Variants in CYB5B observed in about 807,000 individuals in gnomAD.
The protein encoded by CYB5B is cytochrome b5 type B (outer mitochondrial membrane).
Under a neutral mutation model 21.3 loss-of-function variants are expected in CYB5B, and 14 were observed. The observed-to-expected ratio is 0.66, with a 90% CI of 0.43 to 1.03. The LOEUF (loss-of-function observed/expected upper bound fraction) is 1.03, where lower values mean the gene tolerates loss of function less well. Ranked by LOEUF, CYB5B falls within the 50% of genes least tolerant of loss-of-function variation. CYB5B has a pLI of 0.00. For missense variants in CYB5B, 166 were observed against 185.1 expected (o/e 0.90, Z 0.60); for synonymous variants, 69 against 68.4 (o/e 1.01, Z -0.04).
intron 3 of CYB5B, among the ~76,000 whole-genome samples, chr16:69,455,736 T>C (rs1330450879): frequency 6.6e-6 from 1 of 152,060 alleles, no homozygotes. Flanking sequence ...CTTAATCTTA[T>C]CAAATTGGGT....
chr16:69,466,223 G>A lies in CYB5B; in HGVS notation c.*3703G>A, dbSNP rs534363690. ...CTGCTGGAATGCGCACACAGTGAAC[G>A]TTTGTTAGAACTACACACAATAAAG... On this transcript the variant is annotated 3_prime_UTR_variant, in exon 5 of 5. Coordinates refer to ENST00000307892, the MANE Select transcript of CYB5B (RefSeq NM_030579.3). The A allele has an allele frequency of 2.6e-5, 4 of 152,638 alleles. No homozygotes were observed. Among genetic ancestry groups the A allele is most frequent in the South Asian group, 4.1e-4 (2 of 4,824 alleles). The allele number at this position is 152,638 out of a possible 1,614,324, so 9.5% of individuals were successfully genotyped here.
intron 4 of CYB5B, among the ~76,000 whole-genome samples, chr16:69,460,823 A>G (rs1250469475): frequency 6.6e-6 from 1 of 152,224 alleles, no homozygotes; most frequent in Non-Finnish European, 1.5e-5. Flanking sequence ...ATAAAAATAA[A>G]GGAATCACAA....
chr16:69,448,354 C>T (rs11644951), intron 3 of CYB5B: 18,983 of 577,766 alleles, frequency 0.033, 390 homozygotes, highest in Non-Finnish European at 0.043. Flanking sequence ...TTGCTAATGC[C>T]TTTATACGCT....
intron 4 of CYB5B, among the ~76,000 whole-genome samples, chr16:69,461,690 T>C (rs1268827826): frequency 6.6e-6 from 1 of 152,236 alleles, no homozygotes; most frequent in African/African-American, 2.4e-5. Context: ...AAGGAAGGTC[T>C]CTTGCAGTAC....
intron 2 of CYB5B, 97 bp from the exon 3 acceptor site, chr16:69,448,018 A>C: frequency 7.8e-7 from 1 of 1,278,870 alleles, no homozygotes; most frequent in Non-Finnish European, 1.1e-6. Context: ...CACTATCACC[A>C]GAATATAGTC....
At chr16:69,432,198 T>C (rs1217442017) in intron 1 of CYB5B, among the ~76,000 whole-genome samples, 1 of 152,138 alleles carries the variant, frequency 6.6e-6, no homozygotes, top group Non-Finnish European at 1.5e-5. Flanking sequence ...ACCACTGACA[T>C]GTTTGAAGAT....
chr16:69,447,930 A>G (rs181320231), intron 2 of CYB5B, among the ~76,000 whole-genome samples, 185 bp from the exon 3 acceptor site: 1 of 152,286 alleles, frequency 6.6e-6, no homozygotes, highest in African/African-American at 2.4e-5. Context: ...CTATCCATAT[A>G]TACCATTCTA....
chr16:69,435,491 G>A (rs1370358960), intron 1 of CYB5B, among the ~76,000 whole-genome samples: 1 of 152,102 alleles, frequency 6.6e-6, no homozygotes, highest in African/African-American at 2.4e-5. Flanking sequence ...GCCTGAGAAT[G>A]CAGGCTCTAT....
rs2015008271 is a variant in CYB5B at position 69,459,080 on chromosome 16, T to TA, written c.334-13_334-12insA. On this transcript the variant is annotated splice_polypyrimidine_tract_variant and intron_variant, in intron 3 of 4. Transcript: ENST00000307892. Reference sequence around the variant, plus strand: ...GTTTGTTATTTTTGAATTTTTTTTTTTTTTTATTTCAGGACCCTTCAAAAA... The same window carrying TA: ...GTTTGTTATTTTTGAATTTTTTTTTTATTTTTATTTCAGGACCCTTCAAAAA... 1 of 1,586,588 alleles carries TA rather than the reference T, an allele frequency of 6.3e-7. No homozygotes were observed. Among genetic ancestry groups the TA allele is most frequent in the South Asian group, 1.2e-5 (1 of 84,986 alleles).
intron 1 of CYB5B, among the ~76,000 whole-genome samples, chr16:69,426,912 T>G (rs1300073036): frequency 2.0e-5 from 3 of 152,150 alleles, no homozygotes; most frequent in Admixed American, 6.5e-5. Flanking sequence ...CATAGTAAGT[T>G]TCATGCTAAA....
intron 2 of CYB5B, among the ~76,000 whole-genome samples, chr16:69,447,541 G>C (rs2014889964): frequency 6.6e-6 from 1 of 151,756 alleles, no homozygotes; most frequent in South Asian, 2.1e-4. Context: ...TCCTCAGGAG[G>C]CTGAGGCACG....
Position 69,425,960 on chromosome 16 carries a change from CTT to C in CYB5B, c.174+1106_174+1107del, listed in dbSNP as rs374404982. 2.8e-4 allele frequency among the ~76,000 whole-genome samples: 43 copies of C among 152,246 alleles called. No individual in the cohort carries two copies. The East Asian group carries it at 8.1e-3, about 29-fold the overall frequency. On this transcript the variant is annotated intron_variant, in intron 1 of 4. Coordinates refer to ENST00000307892, the MANE Select transcript of CYB5B (RefSeq NM_030579.3). Reference sequence around the variant, plus strand: ...TAAAAGAGAAATCTCTGCATCCTGACTTTTAATTCTAAAAACTTTTAAAATTT... The same window carrying C: ...TAAAAGAGAAATCTCTGCATCCTGACTTAATTCTAAAAACTTTTAAAATTT...
At chr16:69,457,759 C>T (rs375658098) in intron 3 of CYB5B, among the ~76,000 whole-genome samples, 1 of 152,046 alleles carries the variant, frequency 6.6e-6, no homozygotes, top group East Asian at 1.9e-4. Flanking sequence ...TAAAACCTTT[C>T]GTTTGCCATT....
intron 1 of CYB5B, among the ~76,000 whole-genome samples, chr16:69,441,546 C>T (rs1303528211): frequency 6.6e-6 from 1 of 152,200 alleles, no homozygotes; most frequent in Admixed American, 6.5e-5. Context: ...GCTCATTATG[C>T]AAATTTCATC....
At chr16:69,425,419 T>C (rs1222503489) in intron 1 of CYB5B, among the ~76,000 whole-genome samples, 2 of 152,202 alleles carry the variant, frequency 1.3e-5, no homozygotes, top group African/African-American at 4.8e-5. Flanking sequence ...ACCCTTTTTT[T>C]TTGTTTTTGA....
At chr16:69,453,548 T>G (rs1054609149) in intron 3 of CYB5B, among the ~76,000 whole-genome samples, 2 of 152,110 alleles carry the variant, frequency 1.3e-5, no homozygotes, top group Non-Finnish European at 2.9e-5. Context: ...CTTGTGTGTT[T>G]TTTTGTTTTG....
At position 69,463,707 on chromosome 16, in the gene CYB5B, A is replaced by C. The variant is rs1034715258; in HGVS notation, c.*1187A>C. The C allele has an allele frequency of 1.3e-5, 2 of 152,188 alleles. No homozygotes were observed. The highest frequency in any genetic ancestry group is 4.8e-5 in the African/African-American group (2 of 41,442). 9.4% of individuals were successfully genotyped at this position (152,188 alleles called of 1,614,324 possible). ...TATTTGAAAGTGAGAGTTCATGACAACAGACCGTTTTCCATTTCATCTGTA... is the reference window on the plus strand; with the variant it reads ...TATTTGAAAGTGAGAGTTCATGACACCAGACCGTTTTCCATTTCATCTGTA... On this transcript the variant is annotated 3_prime_UTR_variant, in exon 5 of 5. Transcript: ENST00000307892.
intron 1 of CYB5B, among the ~76,000 whole-genome samples, chr16:69,444,587 A>G (rs1190522507): frequency 1.3e-5 from 2 of 152,092 alleles, no homozygotes; most frequent in Admixed American, 6.6e-5. Context: ...AGCCATCTCT[A>G]TTAAGACCAT....
chr16:69,466,211 C>T lies in CYB5B; in HGVS notation c.*3691C>T, dbSNP rs2015088404. The T allele has an allele frequency of 6.6e-6, 1 of 152,580 alleles. No individual in the cohort carries two copies. Among genetic ancestry groups the T allele is most frequent in the Admixed American group, 6.5e-5 (1 of 15,272 alleles). The allele number at this position is 152,580 out of a possible 1,614,324, so 9.5% of individuals were successfully genotyped here. ...CTTTGTCTCTTTCTGCTGGAATGCG[C>T]ACACAGTGAACGTTTGTTAGAACTA... On this transcript the variant is annotated 3_prime_UTR_variant, in exon 5 of 5. Coordinates refer to ENST00000307892, the MANE Select transcript of CYB5B (RefSeq NM_030579.3).
Sources: gnomAD v4.1 joint callset for allele counts (sites outside exome capture counted in the v4.1 genomes callset) on GRCh38, gnomAD v4.1.1 for gene constraint, MANE v1.5 for transcripts, NCBI Gene and HGNC (gene_info 2026-07-23, HGNC 2026-07-21) for gene names.